TULP4: variants seen among roughly 807,000 people sequenced by gnomAD.
TULP4 encodes the protein TUB like protein 4.
TULP4 carries 16 observed loss-of-function variants against 129.0 expected under a neutral mutation model. The ratio of observed to expected loss-of-function variants is 0.12; its 90% confidence interval spans 0.08 to 0.19. The LOEUF is 0.19. TULP4 is among the 10% of genes least tolerant of loss of function. TULP4 has a pLI of 1.00. For synonymous variants in TULP4, 998 were observed against 854.0 expected (o/e 1.17, Z -2.94); for missense variants, 1,842 against 2,059.1 (o/e 0.89, Z 2.04).
At chr6:158,258,455 C>T (rs1696721801) in intron 1 of TULP4, among the ~76,000 whole-genome samples, 1 of 152,128 alleles carries the variant, frequency 6.6e-6, no homozygotes, top group African/African-American at 2.4e-5. Context: ...TCCAGAATTT[C>T]CAGGGAAGAG....
At chr6:158,444,246 A>AAAAAT (rs1562568657) in intron 3 of TULP4, among the ~76,000 whole-genome samples, 30 of 86,712 alleles carry the variant, frequency 3.5e-4, no homozygotes, top group African/African-American at 6.1e-4. Flanking sequence ...AAAAAAAAAA[A>AAAAAT]TTTTTTTTTT....
chr6:158,481,155 C>T lies in TULP4; in HGVS notation c.1352C>T (p.Pro451Leu), dbSNP rs201257857. 4 of 1,614,154 alleles carry T rather than the reference C, an allele frequency of 2.5e-6. No homozygotes were observed. The highest frequency in any genetic ancestry group is 1.7e-5 in the Admixed American group (1 of 60,030). The change falls in exon 8 of 14, where the codon CCG (proline) becomes CTG (leucine). Residue 451 changes from proline to leucine, a missense_variant. This residue lies in a region of TULP4 where 456 missense variants were observed against 534.3 expected (regional missense o/e 0.85). Coordinates refer to ENST00000367097, the MANE Select transcript of TULP4 (RefSeq NM_020245.5). Reference sequence around the variant, plus strand: ...ACCATGAAGCGCACAGAGGACGACCCGGAGGTGGGCGGCCCGTGCTACACG... The same window carrying T: ...ACCATGAAGCGCACAGAGGACGACCTGGAGGTGGGCGGCCCGTGCTACACG... ...HCTMKRTEDD[P>L]EVGGPCYTLY... is the part of the protein sequence containing the mutation.
chr6:158,310,166 C>G (rs1013849661), upstream of TULP4, among the ~76,000 whole-genome samples: 6 of 152,040 alleles, frequency 3.9e-5, no homozygotes, highest in African/African-American at 1.2e-4. Context: ...TTTTAATTGG[C>G]TCATGGCTCT....
At position 158,479,990 on chromosome 6, in the gene TULP4, C is replaced by T; in HGVS notation, c.1251+15C>T. The T allele has an allele frequency of 6.4e-7, 1 of 1,571,618 alleles. No homozygotes were observed. The highest frequency in any genetic ancestry group is 8.7e-7 in the Non-Finnish European group (1 of 1,153,610). On this transcript the variant is annotated intron_variant, in intron 7 of 13. Coordinates refer to ENST00000367097, the MANE Select transcript of TULP4 (RefSeq NM_020245.5). Reference sequence around the variant, plus strand: ...CCACCATCAAGGTAAAGCCCTCCACCCCTCCCTCTTCCTCCTCCCTCACCT... The same window carrying T: ...CCACCATCAAGGTAAAGCCCTCCACTCCTCCCTCTTCCTCCTCCCTCACCT...
chr6:158,482,838 C>T (rs147946095), intron 8 of TULP4, among the ~76,000 whole-genome samples: 74 of 152,258 alleles, frequency 4.9e-4, no homozygotes, highest in Admixed American at 2.0e-3. Context: ...GAAGACGGAC[C>T]GGAGGCTGTG....
At chr6:158,389,669 G>T (rs190443719) in intron 1 of TULP4, among the ~76,000 whole-genome samples, 1 of 152,144 alleles carries the variant, frequency 6.6e-6, no homozygotes, top group Non-Finnish European at 1.5e-5. Context: ...TATGAATCAT[G>T]TGGTGTGCCT....
At chr6:158,386,580 TTA>T (rs986498466) in intron 1 of TULP4, among the ~76,000 whole-genome samples, 1 of 152,214 alleles carries the variant, frequency 6.6e-6, no homozygotes, top group African/African-American at 2.4e-5. Flanking sequence ...ATTGTAACTG[TTA>T]TATGTAAGAA....
intron 1 of TULP4, among the ~76,000 whole-genome samples, chr6:158,332,637 G>T (rs6899322): frequency 0.17 from 26,287 of 152,038 alleles, 2,696 homozygotes; most frequent in Middle Eastern, 0.26. Flanking sequence ...CTATGTTGAG[G>T]AGCTATAGAA....
Position 158,508,850 on chromosome 6 carries a change from G to A in TULP4, c.*2156G>A, listed in dbSNP as rs1780662448. 1 of 145,648 alleles carries A rather than the reference G, an allele frequency of 6.9e-6. No individual in the cohort carries two copies. The highest frequency in any genetic ancestry group is 2.5e-5 in the African/African-American group (1 of 39,326). The allele number at this position is 145,648 out of a possible 1,614,324, so 9.0% of individuals were successfully genotyped here. A position where few individuals can be genotyped will look rare whatever the true frequency, so the allele number is the denominator to read the frequency against. On this transcript the variant is annotated 3_prime_UTR_variant, in exon 14 of 14. Coordinates refer to ENST00000367097, the MANE Select transcript of TULP4 (RefSeq NM_020245.5). ...TTACATGGTCACAGTATATTTTGCT[G>A]CAAGAAATAAAGAGGATATGATAGA... is the stretch of plus-strand genomic sequence containing the variant.
chr6:158,505,463 T>C (rs1052398702), intron 13 of TULP4, among the ~76,000 whole-genome samples: 2 of 152,074 alleles, frequency 1.3e-5, no homozygotes, highest in Non-Finnish European at 2.9e-5. Flanking sequence ...AACAGCAGAG[T>C]TGAGGAGTTG....
chr6:158,240,840 G>A (rs1380624188), intron 1 of TULP4, among the ~76,000 whole-genome samples: 1 of 150,576 alleles, frequency 6.6e-6, no homozygotes, highest in African/African-American at 2.4e-5. Flanking sequence ...TGGCTGGGCG[G>A]GGGGGCTGAC....
At chr6:158,488,324 A>G (rs1032677470) in intron 8 of TULP4, among the ~76,000 whole-genome samples, 15 of 152,192 alleles carry the variant, frequency 9.9e-5, no homozygotes, top group African/African-American at 3.6e-4. Context: ...AAATTAAGTC[A>G]TATAAAACAC....
intron 1 of TULP4, among the ~76,000 whole-genome samples, chr6:158,359,223 G>A (rs1357760577): frequency 6.6e-6 from 1 of 151,986 alleles, no homozygotes; most frequent in African/African-American, 2.4e-5. Flanking sequence ...GATGGAATTT[G>A]GGAGAAACAC....
intron 4 of TULP4, 119 bp downstream of exon 4, chr6:158,449,295 C>G: frequency 9.3e-7 from 1 of 1,077,132 alleles, no homozygotes; most frequent in Non-Finnish European, 1.3e-6. Context: ...GGCACCCGGG[C>G]TTCCTGGGAA....
chr6:158,480,974 C>A, intron 7 of TULP4, 81 bp from the exon 8 acceptor site: 1 of 1,312,184 alleles, frequency 7.6e-7, no homozygotes, highest in Non-Finnish European at 1.0e-6. Flanking sequence ...TTTAGTTGAC[C>A]TGCCCCCGTG....
chr6:158,330,481 C>A (rs908745501), intron 1 of TULP4, among the ~76,000 whole-genome samples: 1 of 152,320 alleles, frequency 6.6e-6, no homozygotes, highest in Non-Finnish European at 1.5e-5. Context: ...TGCACGCATA[C>A]ACTCTCTCTC....
In TULP4 at chr6:158,503,830, C is replaced by A. The variant is rs1398477147; in HGVS notation, c.4167C>A (p.Asp1389Glu). Residue 1389 changes from aspartate (D) to glutamate (E), a missense_variant, in exon 13 of 14, where the codon GAC becomes GAA. By Grantham distance (45) the Asp-to-Glu change is conservative. Coordinates refer to ENST00000367097, the MANE Select transcript of TULP4 (RefSeq NM_020245.5). This position sits in a 1 kb window ranked among gnomAD's most constrained non-coding sequence, Gnocchi z 4.3. ...REKKKVKSQK[D>E]QLKSKKLNKT... ...AGAAGAAAGTGAAGAGTCAGAAAGA[C>A]CAACTGAAGTCAAAGAAGTTGAATA... is the stretch of plus-strand genomic sequence containing the variant. 1.2e-6 allele frequency: 2 copies of A among 1,614,108 alleles called. No individual in the cohort carries two copies. The highest frequency in any genetic ancestry group is 1.7e-6 in the Non-Finnish European group (2 of 1,180,032).
rs574276640 is a variant in TULP4, at chr6:158,387,353, C to T, written c.253-25712C>T. Among the ~76,000 whole-genome samples, 218 of 152,236 alleles carry T rather than the reference C, an allele frequency of 1.4e-3. 1 individual carries two copies. Among genetic ancestry groups the T allele is most frequent in the Middle Eastern group, 3.4e-3 (1 of 294 alleles). ...AATTTCATGACGTTCTGCAACACAA[C>T]ATGCTGTAATAAATGTCCTAATTTG... On this transcript the variant is annotated intron_variant, in intron 1 of 13. Transcript: ENST00000367097.
intron 3 of TULP4, among the ~76,000 whole-genome samples, chr6:158,438,403 G>T (rs999135203): frequency 1.5e-4 from 23 of 152,314 alleles, no homozygotes; most frequent in Admixed American, 2.6e-4. Flanking sequence ...GTAGTTTGGG[G>T]CTAGCTCTGC....
Sources: gnomAD v4.1 joint callset for allele counts (sites outside exome capture counted in the v4.1 genomes callset) on GRCh38, gnomAD v4.1.1 for gene constraint, gnomAD v4.1.1 regional missense constraint, Gnocchi (gnomAD v3.1) non-coding constraint, MANE v1.5 for transcripts, NCBI Gene and HGNC (gene_info 2026-07-23, HGNC 2026-07-21) for gene names.